TYW1: variants seen among roughly 807,000 people sequenced by gnomAD.
TYW1 encodes tRNA-yW synthesizing protein 1 homolog, also known as S-adenosyl-L-methionine-dependent tRNA 4-demethylwyosine synthase TYW1.
Under a neutral mutation model 96.2 loss-of-function variants are expected in TYW1, and 46 were observed. The ratio of observed to expected loss-of-function variants is 0.48; its 90% CI spans 0.38 to 0.61. TYW1 has a LOEUF of 0.61. Among genes scored for constraint, TYW1 ranks in the 20% least tolerant of loss-of-function variants. TYW1 has a pLI of 0.00. For synonymous variants in TYW1, 274 were observed against 323.0 expected, an observed-to-expected ratio of 0.85 and a Z score of 1.63; for missense variants, 684 against 909.6, an observed-to-expected ratio of 0.75 and a Z score of 3.19.
intron 13 of TYW1, among the ~76,000 whole-genome samples, chr7:67,151,575 CATAGAGGAAT>C (rs1798800429): frequency 6.6e-6 from 1 of 151,946 alleles, no homozygotes; most frequent in African/African-American, 2.4e-5. Flanking sequence ...AAGGAAAATA[CATAGAGGAAT>C]ATATCTACAA....
intron 13 of TYW1, among the ~76,000 whole-genome samples, chr7:67,165,141 CTT>C (rs1355929120): frequency 5.3e-5 from 8 of 152,020 alleles, no homozygotes; most frequent in African/African-American, 1.9e-4. Context: ...AAAAAAAAAT[CTT>C]TGCCAATTTG....
Position 67,049,980 on chromosome 7 carries a change from G to T in TYW1, c.1016G>T (p.Gly339Val). The change falls in exon 8 of 16, where the codon GGT (glycine) becomes GTT (valine). Residue 339 changes from glycine (G) to valine (V), a missense_variant. By Grantham distance (109) the Gly-to-Val change is moderately radical. Transcript: ENST00000359626. ...AAGGAACAGCAGGAAGAGAAGTCTG[G>T]TTTGTTCAGGAACATGGGGAGGAAT... ...REKEQQEEKS[G>V]LFRNMGRNED... is the part of the protein sequence containing the mutation. 3 of 1,614,036 alleles carry T rather than the reference G, an allele frequency of 1.9e-6. No homozygotes were observed. Among genetic ancestry groups the T allele is most frequent in the Middle Eastern group, 1.7e-4 (1 of 6,058 alleles).
chr7:67,169,159 A>G (rs1289054476), intron 13 of TYW1, among the ~76,000 whole-genome samples: 1 of 151,506 alleles, frequency 6.6e-6, no homozygotes, highest in African/African-American at 2.4e-5. Context: ...ATTATTGTTT[A>G]CTTTTTAACA....
intron 9 of TYW1, among the ~76,000 whole-genome samples, chr7:67,060,840 T>C (rs1435999759): frequency 6.6e-6 from 1 of 152,164 alleles, no homozygotes; most frequent in Non-Finnish European, 1.5e-5. Context: ...TTCTTCTGGT[T>C]TGTAGTTTGA....
intron 12 of TYW1, among the ~76,000 whole-genome samples, chr7:67,107,930 G>A (rs1251201913): frequency 6.7e-6 from 1 of 148,856 alleles, no homozygotes; most frequent in Non-Finnish European, 1.5e-5. Flanking sequence ...ATGCTGGAGT[G>A]CAGTGGTGCG....
chr7:67,156,835 A>G (rs1487392387), intron 13 of TYW1, among the ~76,000 whole-genome samples: 1 of 151,028 alleles, frequency 6.6e-6, no homozygotes, highest in East Asian at 1.9e-4. Flanking sequence ...TCTCTCTGGA[A>G]CAGTTAGTCA....
At chr7:67,225,309 AGAC>A (rs2116430091) in intron 15 of TYW1, among the ~76,000 whole-genome samples, 2 of 152,292 alleles carry the variant, frequency 1.3e-5, no homozygotes, top group East Asian at 3.9e-4. Flanking sequence ...TACGTTGCAC[AGAC>A]AAGGTAGGGA....
In TYW1 at chr7:67,018,248, G is replaced by A. The variant is rs544816915; in HGVS notation, c.861+105G>A. On this transcript the variant is annotated intron_variant, in intron 6 of 15. Coordinates refer to ENST00000359626, the MANE Select transcript of TYW1 (RefSeq NM_018264.4). ...CCATCTCGTTGGCTTCTGGTTAGAA[G>A]GAAGATCTGGCTGAGTGCAGTGGCT... 4.2e-6 allele frequency: 6 copies of A among 1,442,960 alleles called. No homozygotes were observed. The East Asian group carries it at 1.4e-4, about 34-fold the overall frequency. 89.4% of individuals were successfully genotyped at this position (1,442,960 alleles called of 1,614,324 possible). A position where few individuals can be genotyped will look rare whatever the true frequency, so the allele number is the denominator to read the frequency against.
At chr7:67,003,928 C>T (rs1311739255) in intron 3 of TYW1, among the ~76,000 whole-genome samples, 1 of 152,142 alleles carries the variant, frequency 6.6e-6, no homozygotes, top group Non-Finnish European at 1.5e-5. Context: ...CCTGTAATCC[C>T]AGCTACACGG....
At chr7:67,185,474 A>G (rs911274684) in intron 14 of TYW1, among the ~76,000 whole-genome samples, 4 of 152,176 alleles carry the variant, frequency 2.6e-5, no homozygotes, top group African/African-American at 9.7e-5. Context: ...AGTAGAACCA[A>G]TAAAACATTT....
At chr7:67,152,080 G>T (rs2116170973) in intron 13 of TYW1, among the ~76,000 whole-genome samples, 1 of 152,188 alleles carries the variant, frequency 6.6e-6, no homozygotes, top group South Asian at 2.1e-4. Context: ...TAAAGTGCTG[G>T]GATTGTAGGC....
At chr7:67,018,721 C>T (rs1366369452) in intron 6 of TYW1, among the ~76,000 whole-genome samples, 1 of 151,780 alleles carries the variant, frequency 6.6e-6, no homozygotes, top group Non-Finnish European at 1.5e-5. Flanking sequence ...TTTGGGAGGC[C>T]AAGGTGGGTG....
At chr7:67,166,955 G>A (rs1238529772) in intron 13 of TYW1, among the ~76,000 whole-genome samples, 2 of 152,192 alleles carry the variant, frequency 1.3e-5, no homozygotes, top group East Asian at 3.8e-4. Flanking sequence ...CAATCGCACG[G>A]CCATATAAGA....
chr7:67,177,681 A>G (rs1799716210), intron 13 of TYW1, among the ~76,000 whole-genome samples: 1 of 152,248 alleles, frequency 6.6e-6, no homozygotes, highest in Admixed American at 6.5e-5. Context: ...TAGCAACACT[A>G]AGTGTTGTTG....
chr7:67,167,201 G>C (rs1026216474), intron 13 of TYW1, among the ~76,000 whole-genome samples: 1 of 152,036 alleles, frequency 6.6e-6, no homozygotes, highest in Non-Finnish European at 1.5e-5. Context: ...CGGGCGCGGC[G>C]GCTCACGCCT....
At chr7:66,998,732 T>G (rs1229944626) in intron 2 of TYW1, 85 bp from the exon 3 acceptor site, 1 of 1,447,290 alleles carries the variant, frequency 6.9e-7, no homozygotes, top group African/African-American at 1.4e-5. Flanking sequence ...ATAAAATGTG[T>G]CAGTATCTGT....
At chr7:67,030,399 G>A (rs1794632225) in intron 7 of TYW1, among the ~76,000 whole-genome samples, 2 of 152,138 alleles carry the variant, frequency 1.3e-5, no homozygotes, top group Admixed American at 1.3e-4. Flanking sequence ...GGAGGCTGAG[G>A]CAGGCGGATC....
At chr7:67,209,677 A>G (rs1479470375) in intron 15 of TYW1, among the ~76,000 whole-genome samples, 1 of 151,974 alleles carries the variant, frequency 6.6e-6, no homozygotes, top group East Asian at 1.9e-4. Flanking sequence ...GGTTCAAGCA[A>G]TTCTCCTACC....
chr7:67,224,998 C>G (rs1374754732), intron 15 of TYW1, among the ~76,000 whole-genome samples: 1 of 152,084 alleles, frequency 6.6e-6, no homozygotes, highest in Non-Finnish European at 1.5e-5. Context: ...CAAGACCAGT[C>G]TGGCCAACAT....
Sources: gnomAD v4.1 joint callset for allele counts (sites outside exome capture counted in the v4.1 genomes callset) on GRCh38, gnomAD v4.1.1 for gene constraint, MANE v1.5 for transcripts, NCBI Gene and HGNC (gene_info 2026-07-23, HGNC 2026-07-21) for gene names.